The following MEIOC variants were observed in gnomAD, a reference collection of about 807,000 sequenced individuals.
MEIOC encodes the protein meiosis-specific coiled-coil domain-containing protein MEIOC.
A neutral mutation model predicts 85.3 loss-of-function variants in MEIOC; 9 were observed. The observed-to-expected ratio is 0.11, with a 90% CI of 0.06 to 0.18. The LOEUF (loss-of-function observed/expected upper bound fraction) is 0.18, where lower values mean the gene tolerates loss of function less well. Ranked by LOEUF, MEIOC falls within the 10% of genes least tolerant of loss-of-function variation. The probability of loss-of-function intolerance (pLI) is 1.00; values close to 1 mark genes in which losing one functional copy is unlikely to be tolerated. For synonymous variants in MEIOC, 365 were observed against 393.7 expected (o/e 0.93, Z 0.86); for missense variants, 898 against 1,129.4 (o/e 0.80, Z 2.94).
intron 5 of MEIOC, among the ~76,000 whole-genome samples, 193 bp from the exon 6 acceptor site, chr17:44,669,190 G>A (rs559738090): frequency 3.3e-5 from 5 of 152,054 alleles, no homozygotes. Flanking sequence ...GCAATAGAGT[G>A]AGACTCCATC....
Position 44,662,378 on chromosome 17 carries a change from G to C in MEIOC, c.266G>C (p.Ser89Thr). ...CCATTTTCTTCAACAGAATATTCAA[G>C]TTCTGTAGATTCTTCACTTTTCTGT... ...YTPFSSTEYS[S>T]SVDSSLFCAP... is the part of the protein sequence containing the mutation. Residue 89 changes from serine to threonine, a missense_variant, in exon 3 of 8, where the codon AGT (serine) becomes ACT (threonine). Physicochemically the swap from Ser to Thr is moderately conservative, Grantham distance 58 (BLOSUM62 1). Transcript: ENST00000409122. 6.5e-7 allele frequency: 1 copy of C among 1,547,810 alleles called. No individual in the cohort carries two copies. Among genetic ancestry groups the C allele is most frequent in the Non-Finnish European group, 8.7e-7 (1 of 1,143,754 alleles).
At chr17:44,660,563 A>G (rs913265464) in intron 2 of MEIOC, among the ~76,000 whole-genome samples, 2 of 152,248 alleles carry the variant, frequency 1.3e-5, no homozygotes, top group Non-Finnish European at 2.9e-5. Context: ...TGTATTTATA[A>G]GAAAATACTA....
chr17:44,656,524 C>A lies in MEIOC; in HGVS notation c.-90C>A. 1.9e-6 allele frequency: 2 copies of A among 1,073,464 alleles called. No individual in the cohort carries two copies. The highest frequency in any genetic ancestry group is 3.3e-5 in the East Asian group (1 of 30,742). 66.5% of individuals were successfully genotyped at this position (1,073,464 alleles called of 1,614,324 possible). On this transcript the variant is annotated 5_prime_UTR_variant, in exon 1 of 8. Coordinates refer to ENST00000409122, the MANE Select transcript of MEIOC (RefSeq NM_001145080.3). ...AGGCGGCTGCGGAGACGGCGGGGTG[C>A]GGGCTGAGGGAGCCGGGCCTGGACG...
At position 44,674,413 on chromosome 17, in the gene MEIOC, A is replaced by T. The variant is rs956340881; in HGVS notation, c.*217A>T. On this transcript the variant is annotated 3_prime_UTR_variant, in exon 8 of 8. Transcript: ENST00000409122. ...CGCAAAGGTACAGTTGACTACTCAGAGTTCTGAGTAGTCAGATAACAAGTT... is the reference window on the plus strand; with the variant it reads ...CGCAAAGGTACAGTTGACTACTCAGTGTTCTGAGTAGTCAGATAACAAGTT... 1 of 1,300,476 alleles carries T rather than the reference A, an allele frequency of 7.7e-7. No homozygotes were observed. The highest frequency in any genetic ancestry group is 1.5e-5 in the African/African-American group (1 of 67,468). The allele number at this position is 1,300,476 out of a possible 1,614,324, so 80.6% of individuals were successfully genotyped here.
intron 3 of MEIOC, among the ~76,000 whole-genome samples, chr17:44,663,299 T>TGATGAA (rs1971864021): frequency 6.6e-6 from 1 of 151,732 alleles, no homozygotes; most frequent in Admixed American, 6.6e-5. Flanking sequence ...ATGATGATGA[T>TGATGAA]GATGATGACG....
rs767787521 is a variant in MEIOC at position 44,673,394 on chromosome 17, G to A, written c.2486G>A (p.Arg829His). The A allele has an allele frequency of 1.2e-5, 18 of 1,545,176 alleles. No homozygotes were observed. Among genetic ancestry groups the A allele is most frequent in the East Asian group, 7.4e-5 (3 of 40,546 alleles). Reference sequence around the variant, plus strand: ...GTGACTTTACTAGGCAAAATGGAACGTCTTCGGAGTTCTCTTCTTCATGCC... The same window carrying A: ...GTGACTTTACTAGGCAAAATGGAACATCTTCGGAGTTCTCTTCTTCATGCC... ...RVVTLLGKME[R>H]LRSSLLHASI... Residue 829 changes from arginine to histidine, a missense_variant, in exon 7 of 8, where the codon CGT (arginine) becomes CAT (histidine). By Grantham distance (29) the Arg-to-His change is conservative. Transcript: ENST00000409122.
At position 44,667,181 on chromosome 17, in the gene MEIOC, C is replaced by T; in HGVS notation, c.1270C>T (p.Leu424=). The T allele has an allele frequency of 3.7e-6, 6 of 1,613,916 alleles. No homozygotes were observed. The highest frequency in any genetic ancestry group is 5.1e-6 in the Non-Finnish European group (6 of 1,179,874). ...ADFGLTSEYG[L]KPHTACPAND... is the part of the protein sequence containing the mutation. The stretch of plus-strand genomic sequence containing the variant: ...TTTTGGCTTAACATCAGAATATGGA[C>T]TAAAACCTCACACAGCTTGTCCCGC... The change falls in exon 5 of 8, where the codon CTA becomes TTA. Residue 424 remains leucine, a synonymous_variant. Transcript: ENST00000409122.
Position 44,666,359 on chromosome 17 carries a change from A to T in MEIOC, c.465-17A>T. The T allele has an allele frequency of 6.6e-7, 1 of 1,508,160 alleles. No individual in the cohort carries two copies. The highest frequency in any genetic ancestry group is 8.9e-7 in the Non-Finnish European group (1 of 1,128,552). The allele number at this position is 1,508,160 out of a possible 1,614,324, so 93.4% of individuals were successfully genotyped here. ...TTTAAAACCTAAGTTGTAATTAAATATATTTATTTGTTCTAGGACCTGCTC... is the reference window on the plus strand; with the variant it reads ...TTTAAAACCTAAGTTGTAATTAAATTTATTTATTTGTTCTAGGACCTGCTC... On this transcript the variant is annotated splice_polypyrimidine_tract_variant and intron_variant, in intron 4 of 7. Coordinates refer to ENST00000409122, the MANE Select transcript of MEIOC (RefSeq NM_001145080.3).
At chr17:44,657,701 G>A (rs1248831342) in intron 2 of MEIOC, among the ~76,000 whole-genome samples, 1 of 150,716 alleles carries the variant, frequency 6.6e-6, no homozygotes, top group African/African-American at 2.4e-5. Context: ...TTACAGGCAT[G>A]CGCCACCACG....
At chr17:44,677,035 C>A, downstream of MEIOC, 1 of 794,448 alleles carries the variant, frequency 1.3e-6, no homozygotes, top group Non-Finnish European at 1.5e-6. Context: ...GAAACAAGTA[C>A]CCTTCAGGGG....
At chr17:44,656,861 C>A (rs1971764463) in intron 1 of MEIOC, among the ~76,000 whole-genome samples, 179 bp downstream of exon 1, 1 of 128,890 alleles carries the variant, frequency 7.8e-6, no homozygotes, top group South Asian at 2.7e-4. Flanking sequence ...ACGGGCCGGA[C>A]GGAGCGCGGG....
At chr17:44,673,901 C>CA in intron 7 of MEIOC, 75 bp from the exon 8 acceptor site, 12 of 1,476,790 alleles carry the variant, frequency 8.1e-6, no homozygotes, top group Non-Finnish European at 1.1e-5. Flanking sequence ...GTAGCAAAAG[C>CA]ACTGGGTTTT....
chr17:44,664,127 T>C (rs1971876438), intron 3 of MEIOC, among the ~76,000 whole-genome samples: 1 of 152,000 alleles, frequency 6.6e-6, no homozygotes, highest in Admixed American at 6.6e-5. Context: ...TCCCAGCACT[T>C]TGGGAAGCTG....
Position 44,674,886 on chromosome 17 carries a change from AT to A in MEIOC, c.*692del, listed in dbSNP as rs1972055173. On this transcript the variant is annotated 3_prime_UTR_variant, in exon 8 of 8. Coordinates refer to ENST00000409122, the MANE Select transcript of MEIOC (RefSeq NM_001145080.3). ...AAACCTATTCAGATCATTTGTGTAT[AT>A]TCTTTAAATTTTAATTATATTATCA... 6 of 970,050 alleles carry A rather than the reference AT, an allele frequency of 6.2e-6. No homozygotes were observed. Among genetic ancestry groups the A allele is most frequent in the Non-Finnish European group, 7.4e-6 (6 of 816,072 alleles). The allele number at this position is 970,050 out of a possible 1,614,324, so 60.1% of individuals were successfully genotyped here.
chr17:44,665,154 A>G, intron 3 of MEIOC: 1 of 1,069,248 alleles, frequency 9.4e-7, no homozygotes, highest in Non-Finnish European at 1.1e-6. Flanking sequence ...ATGCACTGTA[A>G]GTTAGATATA....
At position 44,669,422 on chromosome 17, in the gene MEIOC, G is replaced by A. The variant is rs937533952; in HGVS notation, c.2362G>A (p.Val788Ile). The A allele has an allele frequency of 1.3e-6, 2 of 1,572,308 alleles. No homozygotes were observed. Among genetic ancestry groups the A allele is most frequent in the African/African-American group, 2.7e-5 (2 of 73,860 alleles). ...TGCCAAGAATTATCCTGGAAAAAAA[G>A]TATCCAGTACTAACAACACTCCAGT... ...ALAKNYPGKK[V>I]SSTNNTPVPR... The change falls in exon 6 of 8, where the codon GTA (valine) becomes ATA (isoleucine). Residue 788 changes from valine (V) to isoleucine (I), a missense_variant. Physicochemically the swap from Val to Ile is conservative, Grantham distance 29. Coordinates refer to ENST00000409122, the MANE Select transcript of MEIOC (RefSeq NM_001145080.3).
intron 6 of MEIOC, 79 bp downstream of exon 6, chr17:44,669,596 A>C (rs1598729177): frequency 4.3e-5 from 61 of 1,422,118 alleles, no homozygotes; most frequent in Non-Finnish European, 5.2e-5. Flanking sequence ...GTGGTGGCTC[A>C]CTCCTGTAAT....
chr17:44,677,083 C>G (rs1972085841), downstream of MEIOC: 1 of 390,030 alleles, frequency 2.6e-6, no homozygotes, highest in African/African-American at 2.2e-5. Context: ...TGACAAAAAT[C>G]AAGGTGAGAA....
intron 3 of MEIOC, among the ~76,000 whole-genome samples, chr17:44,664,007 T>C (rs1254928219): frequency 6.6e-6 from 1 of 152,188 alleles, no homozygotes; most frequent in East Asian, 1.9e-4. Flanking sequence ...TAAGGTATTT[T>C]ATTTCAAAAA....
Sources: gnomAD v4.1 joint callset for allele counts (sites outside exome capture counted in the v4.1 genomes callset) on GRCh38, gnomAD v4.1.1 for gene constraint, MANE v1.5 for transcripts, NCBI Gene and HGNC (gene_info 2026-07-23, HGNC 2026-07-21) for gene names.